Variants in PDSS2 observed in about 807,000 individuals in gnomAD.
PDSS2 encodes decaprenyl diphosphate synthase subunit 2, also known as all trans-polyprenyl-diphosphate synthase PDSS2.
PDSS2 carries 31 observed loss-of-function variants against 44.5 expected under a neutral mutation model. The ratio of observed to expected loss-of-function variants is 0.70; its 90% confidence interval spans 0.52 to 0.94. The LOEUF is 0.94. PDSS2 is among the 40% of genes least tolerant of loss of function. The pLI is 0.00. For synonymous variants in PDSS2, 157 were observed against 180.3 expected (o/e 0.87, Z 1.03); for missense variants, 452 against 482.2 (o/e 0.94, Z 0.59).
chr6:107,172,949 C>A (rs1255525721), intron 7 of PDSS2, among the ~76,000 whole-genome samples: 3 of 151,830 alleles, frequency 2.0e-5, no homozygotes, highest in Admixed American at 1.3e-4. Flanking sequence ...CATGGTGAAA[C>A]CCCTTCCCTA....
chr6:107,410,655 T>G (rs1451520780), intron 1 of PDSS2, among the ~76,000 whole-genome samples: 1 of 151,692 alleles, frequency 6.6e-6, no homozygotes, highest in Admixed American at 6.6e-5. Context: ...GTCCATCTAA[T>G]GTTTGTATTT....
chr6:107,427,045 C>T (rs557285582), intron 1 of PDSS2, among the ~76,000 whole-genome samples: 21 of 152,146 alleles, frequency 1.4e-4, no homozygotes, highest in South Asian at 4.1e-4. Flanking sequence ...GGACCAGGGG[C>T]GGAATGATAT....
At chr6:107,409,267 G>T (rs1250473044) in intron 1 of PDSS2, among the ~76,000 whole-genome samples, 1 of 152,042 alleles carries the variant, frequency 6.6e-6, no homozygotes, top group Non-Finnish European at 1.5e-5. Flanking sequence ...GTATCATCTT[G>T]GATCCCATCC....
intron 7 of PDSS2, among the ~76,000 whole-genome samples, chr6:107,186,101 T>C (rs946553952): frequency 6.6e-6 from 1 of 152,104 alleles, no homozygotes; most frequent in Admixed American, 6.6e-5. Context: ...CCCAGGTGAG[T>C]GAGTTTCAGC....
chr6:107,327,684 C>T (rs1205947414), intron 2 of PDSS2, among the ~76,000 whole-genome samples: 1 of 152,226 alleles, frequency 6.6e-6, no homozygotes, highest in Non-Finnish European at 1.5e-5. Context: ...GTCTTGAACT[C>T]CTGACCTTGT....
chr6:107,453,185 A>C (rs1192460695), intron 1 of PDSS2, among the ~76,000 whole-genome samples: 1 of 151,324 alleles, frequency 6.6e-6, no homozygotes, highest in Non-Finnish European at 1.5e-5. Context: ...TTCTCATCTC[A>C]AACTCCTGAC....
intron 7 of PDSS2, among the ~76,000 whole-genome samples, chr6:107,164,869 T>A (rs1771283891): frequency 6.6e-6 from 1 of 152,230 alleles, no homozygotes; most frequent in African/African-American, 2.4e-5. Context: ...CTAACTGGTG[T>A]GAGATGGTAT....
At chr6:107,295,041 C>T (rs184176454) in intron 2 of PDSS2, among the ~76,000 whole-genome samples, 3 of 152,286 alleles carry the variant, frequency 2.0e-5, no homozygotes, top group Admixed American at 2.0e-4. Context: ...AAGCGATTCT[C>T]CTGCCCCAGC....
intron 1 of PDSS2, among the ~76,000 whole-genome samples, chr6:107,393,370 T>C (rs1206423422): frequency 6.6e-6 from 1 of 152,176 alleles, no homozygotes; most frequent in Non-Finnish European, 1.5e-5. Flanking sequence ...GAATACATTC[T>C]GTGATTTCAA....
intron 7 of PDSS2, among the ~76,000 whole-genome samples, chr6:107,178,972 TA>T (rs1033657395): frequency 3.3e-5 from 5 of 152,224 alleles, no homozygotes; most frequent in African/African-American, 1.2e-4. Context: ...CTCTTCTCTA[TA>T]AAAAGAGGGG....
intron 7 of PDSS2, among the ~76,000 whole-genome samples, chr6:107,179,063 C>A (rs1669351043): frequency 6.6e-6 from 1 of 152,192 alleles, no homozygotes; most frequent in Non-Finnish European, 1.5e-5. Context: ...AGCACGCATA[C>A]AATGGCATGC....
At chr6:107,217,783 A>C (rs926684454) in intron 4 of PDSS2, among the ~76,000 whole-genome samples, 3 of 152,242 alleles carry the variant, frequency 2.0e-5, no homozygotes, top group Non-Finnish European at 4.4e-5. Context: ...TTGATCACAG[A>C]AATTGGGTCA....
intron 4 of PDSS2, among the ~76,000 whole-genome samples, chr6:107,215,602 T>A (rs1262797676): frequency 1.3e-5 from 2 of 152,128 alleles, no homozygotes; most frequent in Non-Finnish European, 2.9e-5. Flanking sequence ...TTAGGAAAGA[T>A]GAGTTTAACT....
intron 1 of PDSS2, among the ~76,000 whole-genome samples, chr6:107,448,495 C>G (rs1420404234): frequency 6.6e-6 from 1 of 152,192 alleles, no homozygotes; most frequent in Non-Finnish European, 1.5e-5. Context: ...CAGTTCCCAA[C>G]AAGTTTCTCA....
intron 2 of PDSS2, among the ~76,000 whole-genome samples, chr6:107,331,296 C>T (rs1201103200): frequency 2.6e-5 from 4 of 152,040 alleles, no homozygotes; most frequent in Admixed American, 6.6e-5. Flanking sequence ...GTGTAAAACA[C>T]CCAAACACCC....
At chr6:107,160,235 A>G (rs980752381) in intron 7 of PDSS2, among the ~76,000 whole-genome samples, 2 of 152,116 alleles carry the variant, frequency 1.3e-5, no homozygotes, top group Non-Finnish European at 2.9e-5. Flanking sequence ...ACAAAACAAA[A>G]ACAAAAACAA....
chr6:107,272,441 C>T (rs953632500), intron 3 of PDSS2, among the ~76,000 whole-genome samples: 1 of 152,048 alleles, frequency 6.6e-6, no homozygotes, highest in Non-Finnish European at 1.5e-5. Flanking sequence ...ATGGCAAATG[C>T]CTCGGGCCAT....
intron 6 of PDSS2, among the ~76,000 whole-genome samples, chr6:107,208,553 C>T (rs1401145769): frequency 6.7e-6 from 1 of 150,192 alleles, no homozygotes; most frequent in Non-Finnish European, 1.5e-5. Flanking sequence ...CCCTTGGCCT[C>T]CCAAGTGCTC....
intron 3 of PDSS2, among the ~76,000 whole-genome samples, chr6:107,269,931 TGC>T (rs1775541009): frequency 6.6e-6 from 1 of 151,830 alleles, no homozygotes; most frequent in South Asian, 2.1e-4. Context: ...CCTCCCAAAG[TGC>T]TGGAAATACA....
Sources: gnomAD v4.1 joint callset for allele counts (sites outside exome capture counted in the v4.1 genomes callset) on GRCh38, gnomAD v4.1.1 for gene constraint, MANE v1.5 for transcripts, NCBI Gene and HGNC (gene_info 2026-07-23, HGNC 2026-07-21) for gene names.